The following ARMH3 variants were observed in gnomAD, a reference collection of about 807,000 sequenced individuals.
ARMH3 encodes the protein armadillo like helical domain containing 3, also known as armadillo-like helical domain-containing protein 3.
Under a neutral mutation model 99.1 loss-of-function variants are expected in ARMH3, and 60 were observed. The ratio of observed to expected loss-of-function variants is 0.61; its 90% confidence interval spans 0.49 to 0.75. ARMH3 has a LOEUF of 0.75. Among genes scored for constraint, ARMH3 ranks in the 30% least tolerant of loss-of-function variants. ARMH3 has a pLI of 0.00. For missense variants in ARMH3, 679 were observed against 843.1 expected (o/e 0.81, Z 2.41); for synonymous variants, 285 against 292.8 (o/e 0.97, Z 0.27).
intron 23 of ARMH3, among the ~76,000 whole-genome samples, chr10:101,916,453 A>G (rs988229522): frequency 1.3e-5 from 2 of 152,322 alleles, no homozygotes; most frequent in Middle Eastern, 3.4e-3. Flanking sequence ...TCCTCCAATT[A>G]TAACTCCTGT....
At chr10:101,859,420 C>A (rs1172001698) in intron 24 of ARMH3, among the ~76,000 whole-genome samples, 2 of 152,188 alleles carry the variant, frequency 1.3e-5, no homozygotes, top group Non-Finnish European at 2.9e-5. Flanking sequence ...TCCATCAGGG[C>A]AATCACCTGA....
intron 20 of ARMH3, among the ~76,000 whole-genome samples, chr10:101,960,915 T>G (rs1029113152): frequency 2.0e-5 from 3 of 150,540 alleles, no homozygotes; most frequent in African/African-American, 7.3e-5. Flanking sequence ...AAAAGAAGAT[T>G]AAACAAATAA....
chr10:101,938,063 C>T (rs967946335), intron 23 of ARMH3, among the ~76,000 whole-genome samples: 1 of 151,948 alleles, frequency 6.6e-6, no homozygotes, highest in African/African-American at 2.4e-5. Flanking sequence ...GAGACAGGGT[C>T]TCACTATGTT....
At chr10:101,943,066 C>T (rs1414545123) in intron 22 of ARMH3, among the ~76,000 whole-genome samples, 1 of 152,090 alleles carries the variant, frequency 6.6e-6, no homozygotes, top group Non-Finnish European at 1.5e-5. Flanking sequence ...AGAAAAGTTC[C>T]CACACTGCAG....
chr10:101,990,182 T>C (rs1236732402), intron 19 of ARMH3, among the ~76,000 whole-genome samples: 1 of 148,958 alleles, frequency 6.7e-6, no homozygotes, highest in Non-Finnish European at 1.5e-5. Flanking sequence ...GAACTTTCTT[T>C]TTTTTTTTTT....
At chr10:101,931,247 C>A (rs1305438824) in intron 23 of ARMH3, among the ~76,000 whole-genome samples, 1 of 152,178 alleles carries the variant, frequency 6.6e-6, no homozygotes, top group African/African-American at 2.4e-5. Context: ...GCAGTGGGGG[C>A]CGGGTGCGAT....
chr10:102,002,385 G>T (rs948495014), intron 14 of ARMH3, among the ~76,000 whole-genome samples: 1 of 151,954 alleles, frequency 6.6e-6, no homozygotes, highest in Admixed American at 6.6e-5. Flanking sequence ...TCCCCAAAGA[G>T]TTTAAGGCCC....
intron 23 of ARMH3, among the ~76,000 whole-genome samples, chr10:101,932,543 A>C (rs1564765490): frequency 6.6e-6 from 1 of 152,266 alleles, no homozygotes; most frequent in South Asian, 2.1e-4. Context: ...ATGGAGAAAC[A>C]AAATGTGGTA....
chr10:101,910,601 A>G (rs1842822521), intron 23 of ARMH3, among the ~76,000 whole-genome samples: 1 of 151,992 alleles, frequency 6.6e-6, no homozygotes, highest in African/African-American at 2.4e-5. Context: ...ATGGTGGCAC[A>G]CACAACTGTA....
chr10:101,936,298 C>A (rs1843971867), intron 23 of ARMH3, among the ~76,000 whole-genome samples: 1 of 151,876 alleles, frequency 6.6e-6, no homozygotes, highest in African/African-American at 2.4e-5. Context: ...TCGAGACCAG[C>A]CTGGCCAACA....
At chr10:101,959,956 T>C (rs1011843139) in intron 20 of ARMH3, among the ~76,000 whole-genome samples, 2 of 152,136 alleles carry the variant, frequency 1.3e-5, no homozygotes, top group Non-Finnish European at 2.9e-5. Flanking sequence ...GGCAGGCAGA[T>C]TGCCTGAGTT....
chr10:101,988,003 C>T (rs777504278), intron 19 of ARMH3, among the ~76,000 whole-genome samples: 1 of 152,132 alleles, frequency 6.6e-6, no homozygotes, highest in African/African-American at 2.4e-5. Context: ...ACCTTTATTC[C>T]TTAAAAAGCA....
chr10:101,862,678 AT>A (rs1327249030), intron 24 of ARMH3, among the ~76,000 whole-genome samples: 1 of 152,178 alleles, frequency 6.6e-6, no homozygotes, highest in Non-Finnish European at 1.5e-5. Flanking sequence ...GATAACTAAA[AT>A]GTCAATAGCA....
rs2066372293 is a variant in ARMH3 at position 102,001,984 on chromosome 10, C to A, written c.1137G>T (p.Met379Ile). The A allele has an allele frequency of 6.2e-7, 1 of 1,614,158 alleles. No individual in the cohort carries two copies. The highest frequency in any genetic ancestry group is 1.1e-5 in the South Asian group (1 of 91,078). ...GCTATGGCTTACCTTTGGTGTCCTG[C>A]ATGACAATTGAGCTATACTTTAAAA... is the stretch of plus-strand genomic sequence containing the variant. The part of the protein sequence containing the change: ...ITFLKYSSIV[M>I]QDTKDEHRLH... The change falls in exon 15 of 26, where the codon ATG (methionine) becomes ATT (isoleucine). Residue 379 changes from methionine (M) to isoleucine (I), a missense_variant. By Grantham distance (10) the Met-to-Ile change is conservative. This residue lies in a region of ARMH3 where 389 missense variants were observed against 456.5 expected (regional missense o/e 0.85). Transcript: ENST00000370033.
intron 23 of ARMH3, among the ~76,000 whole-genome samples, chr10:101,906,719 T>C (rs1374873012): frequency 1.3e-5 from 2 of 152,130 alleles, no homozygotes; most frequent in African/African-American, 4.8e-5. Flanking sequence ...GGTAGGGCAA[T>C]AAGGCATTTT....
At chr10:101,850,174 T>C (rs542376108) in intron 24 of ARMH3, among the ~76,000 whole-genome samples, 191 of 144,712 alleles carry the variant, frequency 1.3e-3, no homozygotes, top group Non-Finnish European at 2.3e-3. Context: ...CTCAGTTCAC[T>C]GCAACCTCTG....
chr10:101,984,810 C>T (rs1008644198), intron 19 of ARMH3, among the ~76,000 whole-genome samples: 7 of 151,986 alleles, frequency 4.6e-5, no homozygotes, highest in African/African-American at 1.7e-4. Context: ...GTGGCTCACG[C>T]CTGTAATCCC....
chr10:102,033,279 T>C lies in ARMH3; in HGVS notation c.159+4A>G, dbSNP rs1414741112. The C allele has an allele frequency of 6.2e-7, 1 of 1,613,972 alleles. No homozygotes were observed. Among genetic ancestry groups the C allele is most frequent in the Non-Finnish European group, 8.5e-7 (1 of 1,180,020 alleles). On this transcript the variant is annotated splice_donor_region_variant and intron_variant, in intron 3 of 25. Transcript: ENST00000370033. Reference sequence around the variant, plus strand: ...GAAATTCCACAGATGCCACCAACTCTTACCTTCATGAGAAAGAGCTCCTCC... The same window carrying C: ...GAAATTCCACAGATGCCACCAACTCCTACCTTCATGAGAAAGAGCTCCTCC...
At chr10:101,973,677 G>C (rs907780141) in intron 20 of ARMH3, among the ~76,000 whole-genome samples, 3 of 152,170 alleles carry the variant, frequency 2.0e-5, no homozygotes, top group African/African-American at 7.2e-5. Context: ...AAGCCACAGA[G>C]ATCACAGAGG....
Sources: allele counts gnomAD v4.1 joint callset (sites outside exome capture counted in the v4.1 genomes callset), GRCh38; gene constraint gnomAD v4.1.1; regional missense constraint gnomAD v4.1.1; transcripts MANE v1.5; gene names NCBI Gene and HGNC (gene_info 2026-07-23, HGNC 2026-07-21).